Variants in DDX10 observed in about 807,000 individuals in gnomAD.
DDX10 encodes the protein probable ATP-dependent RNA helicase DDX10.
DDX10 carries 74 observed loss-of-function variants against 104.3 expected under a neutral mutation model. The observed-to-expected ratio is 0.71, with a 90% CI of 0.59 to 0.86. DDX10 has a LOEUF of 0.86. Ranked by LOEUF, DDX10 falls within the 40% of genes least tolerant of loss-of-function variation. The pLI, the probability that DDX10 is intolerant of heterozygous loss-of-function variation, is 0.00. For synonymous variants in DDX10, 351 were observed against 353.4 expected (o/e 0.99, Z 0.08); for missense variants, 952 against 1,040.0 (o/e 0.92, Z 1.16).
chr11:108,882,922 C>T (rs1252108386), intron 16 of DDX10, among the ~76,000 whole-genome samples: 1 of 152,190 alleles, frequency 6.6e-6, no homozygotes, highest in Non-Finnish European at 1.5e-5. Context: ...AATGTTGCGT[C>T]CATATCCAAA....
chr11:108,828,415 T>C (rs935364038), intron 13 of DDX10, among the ~76,000 whole-genome samples: 1 of 152,222 alleles, frequency 6.6e-6, no homozygotes, highest in African/African-American at 2.4e-5. Context: ...TGGTTTTCCA[T>C]TACTGACTTA....
intron 13 of DDX10, among the ~76,000 whole-genome samples, chr11:108,740,206 C>T (rs1591806035): frequency 6.6e-6 from 1 of 152,052 alleles, no homozygotes; most frequent in South Asian, 2.1e-4. Flanking sequence ...CAATGTTTAA[C>T]TTGCACTTAT....
At chr11:108,683,416 A>G (rs2094238280) in intron 6 of DDX10, among the ~76,000 whole-genome samples, 2 of 152,160 alleles carry the variant, frequency 1.3e-5, no homozygotes, top group African/African-American at 4.8e-5. Context: ...CTGTCTTGCA[A>G]TCAGCAAATG....
At chr11:108,878,760 A>C (rs1390265369) in intron 16 of DDX10, among the ~76,000 whole-genome samples, 3 of 150,172 alleles carry the variant, frequency 2.0e-5, no homozygotes, top group African/African-American at 7.3e-5. Context: ...GTTAGTGCAA[A>C]GAACTTGTGC....
At chr11:108,832,995 A>G (rs2134588548) in intron 13 of DDX10, among the ~76,000 whole-genome samples, 1 of 152,340 alleles carries the variant, frequency 6.6e-6, no homozygotes, top group Non-Finnish European at 1.5e-5. Flanking sequence ...GACATGAAAA[A>G]CAACCTTTTA....
At chr11:108,819,163 T>C (rs571909511) in intron 13 of DDX10, among the ~76,000 whole-genome samples, 1 of 152,346 alleles carries the variant, frequency 6.6e-6, no homozygotes, top group African/African-American at 2.4e-5. Context: ...ACAGCTGCCC[T>C]TTTCCATGTC....
At chr11:108,758,870 G>A (rs2094347525) in intron 13 of DDX10, among the ~76,000 whole-genome samples, 1 of 152,046 alleles carries the variant, frequency 6.6e-6, no homozygotes, top group Non-Finnish European at 1.5e-5. Context: ...AGGATGCCAG[G>A]ATTAGCATGT....
rs2094223879 is a variant in DDX10 at position 108,675,631 on chromosome 11, A to T, written c.283A>T (p.Ile95Leu). Reference protein sequence around the residue: ...QEAQYRLVTEIQKQTIGLALQ... With the variant: ...QEAQYRLVTELQKQTIGLALQ... ...AGCTCAGTACCGTTTGGTGACTGAGATACAGAAGCAGACCATTGGATTGGC... is the reference window on the plus strand; with the variant it reads ...AGCTCAGTACCGTTTGGTGACTGAGTTACAGAAGCAGACCATTGGATTGGC... The change falls in exon 3 of 18, where the codon ATA (isoleucine) becomes TTA (leucine). Residue 95 changes from isoleucine (I) to leucine (L), a missense_variant. Ile to Leu is a conservative substitution (Grantham distance 5). Transcript: ENST00000322536. 1 of 1,614,172 alleles carries T rather than the reference A, an allele frequency of 6.2e-7. No individual in the cohort carries two copies. Among genetic ancestry groups the T allele is most frequent in the East Asian group, 2.2e-5 (1 of 44,892 alleles).
chr11:108,743,031 T>C (rs1042467749), intron 13 of DDX10, among the ~76,000 whole-genome samples: 15 of 152,180 alleles, frequency 9.9e-5, no homozygotes, highest in African/African-American at 3.6e-4. Context: ...CCTGAATTCA[T>C]GAGGCCAGTA....
At chr11:108,915,655 A>T (rs1863738069) in intron 16 of DDX10, among the ~76,000 whole-genome samples, 1 of 152,182 alleles carries the variant, frequency 6.6e-6, no homozygotes, top group South Asian at 2.1e-4. Flanking sequence ...AGACCAATGG[A>T]TTTTAATGTA....
intron 16 of DDX10, among the ~76,000 whole-genome samples, chr11:108,914,949 A>T (rs1258651485): frequency 6.6e-6 from 1 of 152,074 alleles, no homozygotes. Flanking sequence ...GGAACAGCAA[A>T]CCTGAACACC....
At chr11:108,876,288 G>A (rs1283213090) in intron 16 of DDX10, among the ~76,000 whole-genome samples, 1 of 151,968 alleles carries the variant, frequency 6.6e-6, no homozygotes, top group Non-Finnish European at 1.5e-5. Flanking sequence ...TGTTATATAT[G>A]ACATTTGTTA....
At chr11:108,697,482 C>A (rs551408079) in intron 9 of DDX10, among the ~76,000 whole-genome samples, 54 of 152,026 alleles carry the variant, frequency 3.6e-4, no homozygotes, top group Non-Finnish European at 7.2e-4. Context: ...TTTGGGGAAT[C>A]TTTTTTTCTT....
intron 14 of DDX10, among the ~76,000 whole-genome samples, chr11:108,840,143 A>G (rs955182552): frequency 6.6e-6 from 1 of 152,178 alleles, no homozygotes; most frequent in Non-Finnish European, 1.5e-5. Flanking sequence ...TGATATTCAT[A>G]TTGTTAAAAC....
chr11:108,790,698 T>TA (rs1861858397), intron 13 of DDX10, among the ~76,000 whole-genome samples: 1 of 152,174 alleles, frequency 6.6e-6, no homozygotes, highest in South Asian at 2.1e-4. Context: ...CTGTCATACT[T>TA]AGAGTCTCTG....
chr11:108,680,374 G>A (rs2094233110), intron 6 of DDX10, among the ~76,000 whole-genome samples: 1 of 152,078 alleles, frequency 6.6e-6, no homozygotes, highest in Non-Finnish European at 1.5e-5. Flanking sequence ...ACCACCATGC[G>A]TGGCTAATTT....
rs566456830 is a variant in DDX10 at position 108,665,079 on chromosome 11, C to G, written c.-75C>G. The G allele has an allele frequency of 3.4e-6, 5 of 1,461,930 alleles. No individual in the cohort carries two copies. Among genetic ancestry groups the G allele is most frequent in the Non-Finnish European group, 4.5e-6 (5 of 1,109,500 alleles). The allele number at this position is 1,461,930 out of a possible 1,614,324, so 90.6% of individuals were successfully genotyped here. On this transcript the variant is annotated 5_prime_UTR_variant, in exon 1 of 18. Coordinates refer to ENST00000322536, the MANE Select transcript of DDX10 (RefSeq NM_004398.4). ...CGCATGCGCCTCTGTGCGTTTGTCC[C>G]ATGCTGGTTCCGTGAGTCTGGCCTT...
chr11:108,770,667 T>C (rs1005066395), intron 13 of DDX10, among the ~76,000 whole-genome samples: 1 of 152,138 alleles, frequency 6.6e-6, no homozygotes, highest in Non-Finnish European at 1.5e-5. Context: ...GTTCTTCCAG[T>C]TCCATCCATG....
chr11:108,750,514 C>G (rs2094337157), intron 13 of DDX10, among the ~76,000 whole-genome samples: 1 of 152,134 alleles, frequency 6.6e-6, no homozygotes, highest in Non-Finnish European at 1.5e-5. Context: ...CACTCTCACC[C>G]TCTTCCTCTT....
Sources: allele counts gnomAD v4.1 joint callset (sites outside exome capture counted in the v4.1 genomes callset), GRCh38; gene constraint gnomAD v4.1.1; transcripts MANE v1.5; gene names NCBI Gene and HGNC (gene_info 2026-07-23, HGNC 2026-07-21).